The following RTN1 variants were observed in gnomAD, a reference collection of about 807,000 sequenced individuals.
The protein encoded by RTN1 is reticulon 1, also known as reticulon-1.
A neutral mutation model predicts 65.5 loss-of-function variants in RTN1; 25 were observed. The ratio of observed to expected loss-of-function variants is 0.38; its 90% CI spans 0.28 to 0.53. The LOEUF (loss-of-function observed/expected upper bound fraction) is 0.53, where lower values mean the gene tolerates loss of function less well. RTN1 is among the 20% of genes least tolerant of loss of function. RTN1 has a pLI of 0.79. For synonymous variants in RTN1, 471 were observed against 447.6 expected, an observed-to-expected ratio of 1.05 and a Z score of -0.66; for missense variants, 983 against 1,025.4, an observed-to-expected ratio of 0.96 and a Z score of 0.57.
intron 3 of RTN1, among the ~76,000 whole-genome samples, chr14:59,612,570 A>G (rs1457950843): frequency 6.6e-6 from 1 of 152,172 alleles, no homozygotes; most frequent in Admixed American, 6.5e-5. Flanking sequence ...TGTGTTCTGT[A>G]ACGGAGAGGG....
chr14:59,840,526 G>C (rs568401731), intron 1 of RTN1, among the ~76,000 whole-genome samples: 1 of 152,124 alleles, frequency 6.6e-6, no homozygotes, highest in Non-Finnish European at 1.5e-5. Context: ...TATGGTTGTC[G>C]TAGGAGTAAA....
chr14:59,639,001 A>G (rs1882721860), intron 3 of RTN1, among the ~76,000 whole-genome samples: 3 of 152,208 alleles, frequency 2.0e-5, no homozygotes. Flanking sequence ...TTTGATTTAA[A>G]GTGAGAGATG....
At chr14:59,827,689 C>T (rs1472921120) in intron 1 of RTN1, among the ~76,000 whole-genome samples, 2 of 152,310 alleles carry the variant, frequency 1.3e-5, no homozygotes, top group Non-Finnish European at 2.9e-5. Context: ...ATAATTAGCT[C>T]GGCCTCCTCA....
intron 3 of RTN1, among the ~76,000 whole-genome samples, chr14:59,689,533 G>GA (rs1371040449): frequency 3.9e-5 from 6 of 152,062 alleles, no homozygotes; most frequent in East Asian, 1.9e-4. Context: ...CAACACTAAA[G>GA]AAAAAATCTT....
chr14:59,600,422 A>G (rs987754442), intron 8 of RTN1, among the ~76,000 whole-genome samples: 1 of 152,188 alleles, frequency 6.6e-6, no homozygotes, highest in Non-Finnish European at 1.5e-5. Flanking sequence ...GAGTCAAATA[A>G]CATTTATGAT....
intron 1 of RTN1, among the ~76,000 whole-genome samples, chr14:59,758,042 C>T (rs1281648929): frequency 6.6e-6 from 1 of 152,138 alleles, no homozygotes; most frequent in Non-Finnish European, 1.5e-5. Context: ...GCCTATTCAT[C>T]CTTTCCTCCT....
intron 1 of RTN1, among the ~76,000 whole-genome samples, chr14:59,792,386 C>T (rs1448726268): frequency 6.6e-6 from 1 of 151,856 alleles, no homozygotes; most frequent in African/African-American, 2.4e-5. Flanking sequence ...CACACACACA[C>T]ACACACACAC....
At chr14:59,685,569 T>C (rs1689901499) in intron 3 of RTN1, among the ~76,000 whole-genome samples, 1 of 152,070 alleles carries the variant, frequency 6.6e-6, no homozygotes, top group African/African-American at 2.4e-5. Flanking sequence ...CCCTTTACAA[T>C]AACTACAAAA....
At chr14:59,693,937 G>A (rs78216548) in intron 3 of RTN1, among the ~76,000 whole-genome samples, 7,146 of 152,206 alleles carry the variant, frequency 0.047, 560 homozygotes, top group African/African-American at 0.16. Flanking sequence ...GCTGCTCCAC[G>A]GCAGCACATC....
rs1344876563 is a variant in RTN1, at chr14:59,749,998, TATTATATACA to T, written c.242-3527_242-3518del. Among the ~76,000 whole-genome samples, 48 of 89,810 alleles carry T rather than the reference TATTATATACA, an allele frequency of 5.3e-4. 1 individual carries two copies. Among genetic ancestry groups the T allele is most frequent in the East Asian group, 5.0e-3 (17 of 3,414 alleles). The allele number at this position is 89,810 out of a possible 152,430, so 58.9% of individuals were successfully genotyped here. On this transcript the variant is annotated intron_variant, in intron 1 of 8. Transcript: ENST00000267484. Reference sequence around the variant, plus strand: ...ATATATTATATATTATATACATATATATTATATACATATATATTATATATTATATTATATA... The same window carrying T: ...ATATATTATATATTATATACATATATTATATATTATATATTATATTATATA...
chr14:59,762,205 G>A (rs1885762631), intron 1 of RTN1, among the ~76,000 whole-genome samples: 1 of 152,080 alleles, frequency 6.6e-6, no homozygotes, highest in Admixed American at 6.5e-5. Flanking sequence ...TCCTGGAATT[G>A]GACATCCCCA....
intron 1 of RTN1, among the ~76,000 whole-genome samples, chr14:59,801,918 G>A (rs893727434): frequency 2.3e-4 from 35 of 152,236 alleles, no homozygotes; most frequent in African/African-American, 8.2e-4. Context: ...AGTCAAATAC[G>A]TTTGGGGTCA....
chr14:59,655,739 T>G (rs770083327), intron 3 of RTN1, among the ~76,000 whole-genome samples: 1 of 152,192 alleles, frequency 6.6e-6, no homozygotes, highest in African/African-American at 2.4e-5. Flanking sequence ...TTTTCTGTAT[T>G]TTCAACAGCA....
chr14:59,737,416 T>C (rs1340968413), intron 2 of RTN1, among the ~76,000 whole-genome samples: 1 of 151,956 alleles, frequency 6.6e-6, no homozygotes, highest in African/African-American at 2.4e-5. Context: ...CCACTCACAA[T>C]TGCCACAAAA....
chr14:59,819,913 G>A (rs971572268), intron 1 of RTN1, among the ~76,000 whole-genome samples: 19 of 152,222 alleles, frequency 1.2e-4, no homozygotes, highest in African/African-American at 4.1e-4. Context: ...CCTGGTTCCC[G>A]CCTGCGCCTC....
At chr14:59,835,047 A>C (rs1887190672) in intron 1 of RTN1, among the ~76,000 whole-genome samples, 1 of 152,244 alleles carries the variant, frequency 6.6e-6, no homozygotes, top group Non-Finnish European at 1.5e-5. Flanking sequence ...AAACACTGGT[A>C]CATAATGTTG....
intron 1 of RTN1, among the ~76,000 whole-genome samples, chr14:59,834,713 T>C (rs1887184577): frequency 6.6e-6 from 1 of 152,112 alleles, no homozygotes; most frequent in Non-Finnish European, 1.5e-5. Flanking sequence ...AAAGAAGATA[T>C]ACAGCATTTG....
intron 1 of RTN1, among the ~76,000 whole-genome samples, chr14:59,864,867 G>T (rs1887770725): frequency 6.6e-6 from 1 of 151,846 alleles, no homozygotes; most frequent in Non-Finnish European, 1.5e-5. Flanking sequence ...TTAATAAACA[G>T]ATTTATCTTG....
chr14:59,867,202 G>A (rs1479903308), intron 1 of RTN1, among the ~76,000 whole-genome samples: 1 of 152,022 alleles, frequency 6.6e-6, no homozygotes. Context: ...TTAAACAAAG[G>A]ACCATTCTTT....
Sources: allele counts gnomAD v4.1 joint callset (sites outside exome capture counted in the v4.1 genomes callset), GRCh38; gene constraint gnomAD v4.1.1; transcripts MANE v1.5; gene names NCBI Gene and HGNC (gene_info 2026-07-23, HGNC 2026-07-21).